SNTG2: variants seen among roughly 807,000 people sequenced by gnomAD.
SNTG2 encodes the protein gamma-2-syntrophin.
A neutral mutation model predicts 70.9 loss-of-function variants in SNTG2; 74 were observed. The observed-to-expected ratio is 1.04, with a 90% CI of 0.86 to 1.27. The LOEUF (loss-of-function observed/expected upper bound fraction) is 1.27, where lower values mean the gene tolerates loss of function less well. Ranked by LOEUF, SNTG2 falls within the 50% of genes most tolerant of loss-of-function variation. SNTG2 has a pLI of 0.00. For synonymous variants in SNTG2, 278 were observed against 273.8 expected, an observed-to-expected ratio of 1.02 and a Z score of -0.15; for missense variants, 717 against 690.7, an observed-to-expected ratio of 1.04 and a Z score of -0.43.
At chr2:1,355,833 G>A (rs1404222774) in intron 16 of SNTG2, among the ~76,000 whole-genome samples, 4 of 152,140 alleles carry the variant, frequency 2.6e-5, no homozygotes, top group Admixed American at 1.3e-4. Context: ...TCTCCACACC[G>A]TTGTCAACAC....
chr2:1,117,446 T>G (rs1667087837), intron 4 of SNTG2, among the ~76,000 whole-genome samples: 3 of 152,288 alleles, frequency 2.0e-5, no homozygotes, highest in East Asian at 1.9e-4. Context: ...AGACTTAACA[T>G]CAAATTCAGC....
intron 8 of SNTG2, among the ~76,000 whole-genome samples, chr2:1,178,401 C>T (rs1671626290): frequency 6.6e-6 from 1 of 152,110 alleles, no homozygotes; most frequent in African/African-American, 2.4e-5. Flanking sequence ...GGGAATGCTT[C>T]CAGTTTTTGC....
intron 2 of SNTG2, among the ~76,000 whole-genome samples, chr2:1,084,795 C>T (rs1010072587): frequency 2.6e-5 from 4 of 152,206 alleles, no homozygotes; most frequent in African/African-American, 9.7e-5. Context: ...AATGCTGCAT[C>T]CTCCAGAGAG....
intron 9 of SNTG2, among the ~76,000 whole-genome samples, chr2:1,222,489 T>C (rs4971419): frequency 0.3 from 33,571 of 112,876 alleles, 4,495 homozygotes; most frequent in African/African-American, 0.43. Context: ...TAGAGGAAAG[T>C]GGTGCAGTGA....
rs186269646 is a variant in SNTG2 at position 979,033 on chromosome 2, G to T, written c.72+27965G>T. 3.3e-5 allele frequency among the ~76,000 whole-genome samples: 5 copies of T among 152,286 alleles called. No individual in the cohort carries two copies. The East Asian group carries it at 7.7e-4, about 23-fold the overall frequency. On this transcript the variant is annotated intron_variant, in intron 1 of 16. Coordinates refer to ENST00000308624, the MANE Select transcript of SNTG2 (RefSeq NM_018968.4). ...AACCAAGGCCCTGCTCTTCTTAATC[G>T]CAATCTCCTAGGGAGCATTGAAGTG...
intron 1 of SNTG2, among the ~76,000 whole-genome samples, chr2:1,018,055 T>C (rs764124025): frequency 6.6e-6 from 1 of 152,208 alleles, no homozygotes; most frequent in African/African-American, 2.4e-5. Context: ...GCATAAGAAA[T>C]GTAAAGATAT....
intron 8 of SNTG2, among the ~76,000 whole-genome samples, chr2:1,192,114 A>G (rs1349806660): frequency 1.3e-5 from 2 of 152,212 alleles, no homozygotes; most frequent in African/African-American, 2.4e-5. Context: ...AGAACCACGC[A>G]TGGGCTCTGA....
chr2:1,117,471 C>A (rs1667109549), intron 4 of SNTG2, among the ~76,000 whole-genome samples: 2 of 152,144 alleles, frequency 1.3e-5, no homozygotes, highest in Admixed American at 1.3e-4. Context: ...CAGATGAAAT[C>A]AATTAAAATA....
At chr2:1,007,507 A>G (rs1015356943) in intron 1 of SNTG2, among the ~76,000 whole-genome samples, 4 of 152,204 alleles carry the variant, frequency 2.6e-5, no homozygotes, top group Non-Finnish European at 4.4e-5. Flanking sequence ...TGTGTTACAC[A>G]TTGTTGTGAA....
chr2:1,290,656 C>T (rs1679954557), intron 14 of SNTG2, among the ~76,000 whole-genome samples: 1 of 152,154 alleles, frequency 6.6e-6, no homozygotes, highest in Non-Finnish European at 1.5e-5. Flanking sequence ...CTCATGAGAA[C>T]TCTATCACAA....
At chr2:1,007,549 A>G (rs1312725217) in intron 1 of SNTG2, among the ~76,000 whole-genome samples, 2 of 152,196 alleles carry the variant, frequency 1.3e-5, no homozygotes, top group Non-Finnish European at 2.9e-5. Flanking sequence ...ATCACCCACC[A>G]CAAGGCATAG....
chr2:1,030,063 C>G (rs1279946878), intron 1 of SNTG2, among the ~76,000 whole-genome samples: 1 of 152,188 alleles, frequency 6.6e-6, no homozygotes, highest in Non-Finnish European at 1.5e-5. Context: ...TGAGTGGCTG[C>G]AGGTTGTCTT....
intron 8 of SNTG2, among the ~76,000 whole-genome samples, chr2:1,195,047 A>G (rs74433686): frequency 0.054 from 8,181 of 152,214 alleles, 278 homozygotes; most frequent in Non-Finnish European, 0.08. Context: ...TTCCAGCAAA[A>G]GACATGAATT....
At chr2:1,241,543 A>G (rs1677050667) in intron 11 of SNTG2, among the ~76,000 whole-genome samples, 1 of 133,992 alleles carries the variant, frequency 7.5e-6, no homozygotes, top group South Asian at 2.4e-4. Context: ...ACATATGTAT[A>G]CATGTACCAT....
intron 1 of SNTG2, among the ~76,000 whole-genome samples, chr2:1,050,969 A>G (rs1662023096): frequency 6.6e-6 from 1 of 152,234 alleles, no homozygotes; most frequent in Non-Finnish European, 1.5e-5. Context: ...TGTTGCTGAT[A>G]TGTTGAGACA....
At chr2:1,318,859 G>T (rs536294830) in intron 16 of SNTG2, among the ~76,000 whole-genome samples, 1 of 152,160 alleles carries the variant, frequency 6.6e-6, no homozygotes, top group Non-Finnish European at 1.5e-5. Context: ...GGAGGTCTAC[G>T]GTGGCCATGA....
chr2:1,307,435 CTGTG>C (rs35500323), intron 14 of SNTG2, among the ~76,000 whole-genome samples: 20,772 of 138,552 alleles, frequency 0.15, 1,464 homozygotes, highest in Middle Eastern at 0.2. Context: ...GAGCCGTGTA[CTGTG>C]TGTGTGTGTG....
rs1315908457 is a variant in SNTG2, at chr2:956,149, CCCCTGCCCCTG to C, written c.72+5088_72+5098del. ...CATGCCCTGCACCCACCGCGCCCCG[CCCCTGCCCCTG>C]CCCTGCACCTACCCCTGCCCTGCAC... On this transcript the variant is annotated intron_variant, in intron 1 of 16. Coordinates refer to ENST00000308624, the MANE Select transcript of SNTG2 (RefSeq NM_018968.4). Among the ~76,000 whole-genome samples, 250 of 65,818 alleles carry C rather than the reference CCCCTGCCCCTG, an allele frequency of 3.8e-3. 4 individuals are homozygous for C. The highest frequency in any genetic ancestry group is 0.012 in the African/African-American group (219 of 17,756). The allele number at this position is 65,818 out of a possible 152,430, so 43.2% of individuals were successfully genotyped here.
intron 4 of SNTG2, among the ~76,000 whole-genome samples, chr2:1,131,272 G>C (rs932346435): frequency 2.0e-5 from 3 of 152,178 alleles, no homozygotes; most frequent in African/African-American, 4.8e-5. Context: ...TGTTCGGCTA[G>C]TGTTTCTTTC....
Sources: allele counts gnomAD v4.1 joint callset (sites outside exome capture counted in the v4.1 genomes callset), GRCh38; gene constraint gnomAD v4.1.1; transcripts MANE v1.5; gene names NCBI Gene and HGNC (gene_info 2026-07-23, HGNC 2026-07-21).